SEMA4D: variants seen among roughly 807,000 people sequenced by gnomAD.
SEMA4D encodes the protein semaphorin 4D, also known as semaphorin-4D.
In SEMA4D, 22 loss-of-function variants were observed where a neutral mutation model predicts 74.8. The observed-to-expected ratio is 0.29, with a 90% confidence interval of 0.21 to 0.42. The LOEUF is 0.42. SEMA4D is among the 10% of genes least tolerant of loss of function. SEMA4D has a pLI of 1.00. For synonymous variants in SEMA4D, 445 were observed against 463.7 expected (o/e 0.96, Z 0.52); for missense variants, 937 against 1,118.4 (o/e 0.84, Z 2.31).
chr9:89,430,911 A>G (rs1253456146), intron 2 of SEMA4D, among the ~76,000 whole-genome samples: 1 of 152,226 alleles, frequency 6.6e-6, no homozygotes, highest in Non-Finnish European at 1.5e-5. Flanking sequence ...CGGGAGGCGG[A>G]GGCTGCAGTG....
chr9:89,472,841 C>G (rs1000065993), intron 1 of SEMA4D: 1 of 152,836 alleles, frequency 6.5e-6, no homozygotes, highest in East Asian at 1.9e-4. Context: ...CATCTGTAAT[C>G]CCAGCATTTT....
chr9:89,459,838 C>T (rs983543257), intron 1 of SEMA4D, among the ~76,000 whole-genome samples: 153 of 152,332 alleles, frequency 1.0e-3, no homozygotes, highest in African/African-American at 3.4e-4. Flanking sequence ...GTGGCTAACA[C>T]GAGGGAGCCC....
At chr9:89,496,828 G>A (rs941059829) in intron 1 of SEMA4D, among the ~76,000 whole-genome samples, 4 of 152,262 alleles carry the variant, frequency 2.6e-5, no homozygotes, top group South Asian at 2.1e-4. Context: ...CTGGTGTCAC[G>A]TCACCCCCAG....
chr9:89,387,492 G>T lies in SEMA4D; in HGVS notation c.1224C>A (p.Asp408Glu), dbSNP rs1588217673. The T allele has an allele frequency of 6.2e-7, 1 of 1,614,234 alleles. No individual in the cohort carries two copies. ...CTTTCTTGATTAACCTGGGCCTGTT[G>T]TCTATTGGGGTTACCGAGTCATCCA... ...PLMDDSVTPIDNRPRLIKKDV... is the reference protein window; with the variant it reads ...PLMDDSVTPIENRPRLIKKDV... Residue 408 changes from aspartate to glutamate, a missense_variant, in exon 12 of 16, where the codon GAC (aspartate) becomes GAA (glutamate). Transcript: ENST00000422704.
intron 2 of SEMA4D, among the ~76,000 whole-genome samples, chr9:89,447,589 C>T (rs956205428): frequency 6.6e-6 from 1 of 152,146 alleles, no homozygotes; most frequent in Non-Finnish European, 1.5e-5. Flanking sequence ...AGCCACTCCT[C>T]ATCGACATTG....
At chr9:89,491,021 A>G (rs1336367941) in intron 1 of SEMA4D, among the ~76,000 whole-genome samples, 3 of 152,026 alleles carry the variant, frequency 2.0e-5, no homozygotes, top group African/African-American at 2.4e-5. Flanking sequence ...TTATGGTGTC[A>G]GTCACATGGC....
intron 1 of SEMA4D, among the ~76,000 whole-genome samples, chr9:89,460,010 G>A (rs1011947622): frequency 1.3e-5 from 2 of 152,134 alleles, no homozygotes; most frequent in African/African-American, 4.8e-5. Context: ...CTTCCCCACA[G>A]GACTGAGCTA....
chr9:89,494,151 C>T (rs1032971076), intron 1 of SEMA4D, among the ~76,000 whole-genome samples: 2 of 152,176 alleles, frequency 1.3e-5, no homozygotes, highest in African/African-American at 2.4e-5. Flanking sequence ...CTATTTAAAA[C>T]GCCAGAGGAA....
Position 89,405,629 on chromosome 9 carries a change from G to A in SEMA4D, c.-173C>T. Reference sequence around the variant, plus strand: ...ATCCACATTTCCCAGTTCTCCAGGTGAGGAGGGGTCGCTCTCACCACCGCA... The same window carrying A: ...ATCCACATTTCCCAGTTCTCCAGGTAAGGAGGGGTCGCTCTCACCACCGCA... On this transcript the variant is annotated 5_prime_UTR_variant, in exon 3 of 16. Transcript: ENST00000422704. The A allele has an allele frequency of 7.0e-7, 1 of 1,435,192 alleles. No individual in the cohort carries two copies. The highest frequency in any genetic ancestry group is 9.1e-7 in the Non-Finnish European group (1 of 1,098,020). The allele number at this position is 1,435,192 out of a possible 1,614,324, so 88.9% of individuals were successfully genotyped here.
chr9:89,413,296 C>G (rs114320528), intron 2 of SEMA4D, among the ~76,000 whole-genome samples: 347 of 152,350 alleles, frequency 2.3e-3, no homozygotes, highest in African/African-American at 8.0e-3. Context: ...GAGCCCCACA[C>G]TCTTTTGCCT....
At chr9:89,452,182 G>GTTTTTTT (rs748453753) in intron 2 of SEMA4D, among the ~76,000 whole-genome samples, 2 of 135,434 alleles carry the variant, frequency 1.5e-5, no homozygotes, top group African/African-American at 2.8e-5. Context: ...GGTTTTTTTT[G>GTTTTTTT]TTTTTTTTTT....
chr9:89,363,965 C>A, intron 16 of SEMA4D: 1 of 1,614,014 alleles, frequency 6.2e-7, no homozygotes, highest in South Asian at 1.1e-5. Flanking sequence ...GGACACAGAC[C>A]GTTTCCACCT....
At chr9:89,418,248 G>A (rs1846129743) in intron 2 of SEMA4D, 13 of 685,394 alleles carry the variant, frequency 1.9e-5, no homozygotes, top group South Asian at 6.6e-5. Flanking sequence ...TTCCTTAGAC[G>A]CAGGATCAGC....
exon 18 of SEMA4D, chr9:89,363,480 C>T: frequency 6.2e-7 from 1 of 1,614,078 alleles, no homozygotes; most frequent in African/African-American, 1.3e-5. Flanking sequence ...CCAGCCACAG[C>T]CCTCCAGGCA....
intron 1 of SEMA4D, among the ~76,000 whole-genome samples, chr9:89,468,757 G>A (rs1859403339): frequency 6.6e-6 from 1 of 152,132 alleles, no homozygotes; most frequent in Admixed American, 6.5e-5. Context: ...GATTCTCCCG[G>A]TGTGTAATGC....
At chr9:89,433,118 A>G (rs1441935057) in intron 2 of SEMA4D, among the ~76,000 whole-genome samples, 1 of 152,240 alleles carries the variant, frequency 6.6e-6, no homozygotes, top group East Asian at 1.9e-4. Context: ...CATCCTGGGC[A>G]CAGGGCAAAA....
intron 18 of SEMA4D, chr9:89,363,411 C>G: frequency 1.9e-6 from 3 of 1,608,938 alleles, no homozygotes; most frequent in Non-Finnish European, 2.5e-6. Flanking sequence ...CCTTTCTTTG[C>G]CCGGCTGCGG....
At chr9:89,424,564 G>A (rs1014748798) in intron 2 of SEMA4D, among the ~76,000 whole-genome samples, 1 of 151,850 alleles carries the variant, frequency 6.6e-6, no homozygotes, top group Non-Finnish European at 1.5e-5. Flanking sequence ...TCAGAACCTT[G>A]CACCCTTAAT....
chr9:89,443,788 G>C (rs1474612100), intron 2 of SEMA4D, among the ~76,000 whole-genome samples: 1 of 152,214 alleles, frequency 6.6e-6, no homozygotes, highest in East Asian at 1.9e-4. Flanking sequence ...TGACCTCCTG[G>C]GCTCCCTGCA....
Sources: allele counts gnomAD v4.1 joint callset (sites outside exome capture counted in the v4.1 genomes callset), GRCh38; gene constraint gnomAD v4.1.1; transcripts MANE v1.5; gene names NCBI Gene and HGNC (gene_info 2026-07-23, HGNC 2026-07-21).